The following ARRB1 variants were observed in gnomAD, a reference collection of about 807,000 sequenced individuals.
ARRB1 encodes arrestin beta 1.
ARRB1 carries 21 observed loss-of-function variants against 56.8 expected under a neutral mutation model. The ratio of observed to expected loss-of-function variants is 0.37; its 90% CI spans 0.26 to 0.53. The LOEUF (loss-of-function observed/expected upper bound fraction) is 0.53. Among genes scored for constraint, ARRB1 ranks in the 20% least tolerant of loss-of-function variants. The probability of loss-of-function intolerance (pLI) is 0.88; values close to 1 mark genes in which losing one functional copy is unlikely to be tolerated. For missense variants in ARRB1, 424 were observed against 553.7 expected, an observed-to-expected ratio of 0.77 and a Z score of 2.35; for synonymous variants, 210 against 218.6, an observed-to-expected ratio of 0.96 and a Z score of 0.35.
intron 14 of ARRB1, 24 bp from the exon 15 acceptor site, chr11:75,267,727 G>GCCC: frequency 8.1e-7 from 1 of 1,231,326 alleles, no homozygotes; most frequent in Non-Finnish European, 1.2e-6. Context: ...GGGTGGGCAG[G>GCCC]GTGTCCAGGG....
In ARRB1 at chr11:75,284,267, A is replaced by G; in HGVS notation, c.125T>C (p.Leu42Pro). The change falls in exon 4 of 16, where the codon CTG (leucine) becomes CCG (proline). Residue 42 changes from leucine (L) to proline (P), a missense_variant. Transcript: ENST00000420843. ...CTCTTTGAGATACTCAGGATCCACCAGGACCACACCATCTGGGGAAAGGAC... is the reference window on the plus strand; with the variant it reads ...CTCTTTGAGATACTCAGGATCCACCGGGACCACACCATCTGGGGAAAGGAC... ...DLVDPVDGVV[L>P]VDPEYLKERR... 6.2e-7 allele frequency: 1 copy of G among 1,608,774 alleles called. No individual in the cohort carries two copies. Among genetic ancestry groups the G allele is most frequent in the South Asian group, 1.1e-5 (1 of 90,436 alleles).
chr11:75,288,665 G>A (rs953170248), intron 2 of ARRB1, among the ~76,000 whole-genome samples: 1 of 150,802 alleles, frequency 6.6e-6, no homozygotes, highest in Admixed American at 6.6e-5. Flanking sequence ...GCCCAGGCTG[G>A]AGTGCAGTGG....
chr11:75,278,126 G>A (rs1946241341), intron 8 of ARRB1, among the ~76,000 whole-genome samples: 1 of 152,240 alleles, frequency 6.6e-6, no homozygotes. Flanking sequence ...AGAGAGAGGG[G>A]GTGCCCACAC....
chr11:75,323,961 T>C (rs2140498453), intron 1 of ARRB1, among the ~76,000 whole-genome samples: 1 of 152,054 alleles, frequency 6.6e-6, no homozygotes, highest in South Asian at 2.1e-4. Context: ...GCATAGGAGA[T>C]ACTGAAGAAA....
chr11:75,339,687 T>A (rs1233262187), intron 1 of ARRB1, among the ~76,000 whole-genome samples: 1 of 152,160 alleles, frequency 6.6e-6, no homozygotes. Flanking sequence ...CTACCCCTCT[T>A]CTGGCAGCTG....
At chr11:75,290,431 G>T (rs911378905) in intron 1 of ARRB1, among the ~76,000 whole-genome samples, 4 of 151,878 alleles carry the variant, frequency 2.6e-5, no homozygotes, top group Admixed American at 6.6e-5. Flanking sequence ...ATCTACCCCC[G>T]GCTGGTCCTC....
At chr11:75,320,470 G>A (rs149819755) in intron 1 of ARRB1, among the ~76,000 whole-genome samples, 8 of 152,238 alleles carry the variant, frequency 5.3e-5, no homozygotes, top group African/African-American at 1.9e-4. Context: ...AAGGGCGGGT[G>A]GCTGGATGGT....
chr11:75,338,967 A>G (rs1407220041), intron 1 of ARRB1, among the ~76,000 whole-genome samples: 1 of 152,160 alleles, frequency 6.6e-6, no homozygotes, highest in Non-Finnish European at 1.5e-5. Flanking sequence ...CATTATCTCC[A>G]GAGGCTGGAA....
intron 1 of ARRB1, among the ~76,000 whole-genome samples, chr11:75,330,451 C>T (rs536954959): frequency 1.3e-5 from 2 of 152,258 alleles, no homozygotes; most frequent in East Asian, 1.9e-4. Flanking sequence ...TGGGCTGGCC[C>T]CTGGCTATAT....
intron 1 of ARRB1, among the ~76,000 whole-genome samples, chr11:75,338,285 A>G (rs1435878783): frequency 6.6e-6 from 1 of 152,134 alleles, no homozygotes; most frequent in Non-Finnish European, 1.5e-5. Flanking sequence ...GTTGGGACTG[A>G]GCAGAAAGAC....
In ARRB1 at chr11:75,318,907, C is replaced by T. The variant is rs534698281; in HGVS notation, c.21-28868G>A. Among the ~76,000 whole-genome samples the T allele has an allele frequency of 2.0e-5, 3 of 152,120 alleles. No individual in the cohort carries two copies. The East Asian group carries it at 5.8e-4, about 29-fold the overall frequency. On this transcript the variant is annotated intron_variant, in intron 1 of 15. Transcript: ENST00000420843. ...CCCTCAGTCCAAATGGCCAGCCCTA[C>T]TAAGAAGGAGAGGAGCACATGGGAG...
At chr11:75,317,524 C>A (rs907262515) in intron 1 of ARRB1, among the ~76,000 whole-genome samples, 1 of 152,182 alleles carries the variant, frequency 6.6e-6, no homozygotes, top group Admixed American at 6.5e-5. Context: ...TAGGTCAGAT[C>A]CCCCCATCAG....
At chr11:75,293,720 G>A (rs1946660957) in intron 1 of ARRB1, among the ~76,000 whole-genome samples, 2 of 152,024 alleles carry the variant, frequency 1.3e-5, no homozygotes, top group South Asian at 2.1e-4. Flanking sequence ...CAACCCCACC[G>A]CCCAGGGTAG....
intron 1 of ARRB1, chr11:75,303,759 C>T: frequency 2.2e-6 from 1 of 451,674 alleles, no homozygotes; most frequent in South Asian, 1.6e-5. Flanking sequence ...TTCCAGGCAC[C>T]ACCAGGCACC....
intron 1 of ARRB1, among the ~76,000 whole-genome samples, chr11:75,343,217 G>A (rs1947716637): frequency 6.6e-6 from 1 of 152,088 alleles, no homozygotes; most frequent in African/African-American, 2.4e-5. Context: ...TGAGTGCTGA[G>A]AGAGAGAGAT....
chr11:75,328,283 C>T (rs1947472031), intron 1 of ARRB1, among the ~76,000 whole-genome samples: 2 of 152,178 alleles, frequency 1.3e-5, no homozygotes, highest in Admixed American at 1.3e-4. Context: ...TATTTCATTC[C>T]TTCTCATGGG....
intron 1 of ARRB1, among the ~76,000 whole-genome samples, chr11:75,312,487 T>A (rs1265217509): frequency 6.6e-6 from 1 of 152,232 alleles, no homozygotes; most frequent in African/African-American, 2.4e-5. Flanking sequence ...TTTCATTGTC[T>A]CATGTCATCC....
intron 1 of ARRB1, chr11:75,306,691 C>A: frequency 7.9e-7 from 1 of 1,271,876 alleles, no homozygotes; most frequent in Admixed American, 2.5e-5. Flanking sequence ...AGGGCCAGCC[C>A]CGCAGGCTCA....
At chr11:75,341,230 C>T (rs1591991772) in intron 1 of ARRB1, among the ~76,000 whole-genome samples, 1 of 152,100 alleles carries the variant, frequency 6.6e-6, no homozygotes, top group East Asian at 1.9e-4. Context: ...CTTCACCTCC[C>T]GGGTCCAAGC....
Sources: gnomAD v4.1 joint callset for allele counts (sites outside exome capture counted in the v4.1 genomes callset) on GRCh38, gnomAD v4.1.1 for gene constraint, MANE v1.5 for transcripts, NCBI Gene and HGNC (gene_info 2026-07-23, HGNC 2026-07-21) for gene names.